ARMC2: variants seen among roughly 807,000 people sequenced by gnomAD.
ARMC2 encodes armadillo repeat-containing protein 2.
ARMC2 carries 67 observed loss-of-function variants against 90.3 expected under a neutral mutation model. The observed-to-expected ratio is 0.74, with a 90% CI of 0.61 to 0.91. The LOEUF is 0.91. Ranked by LOEUF, ARMC2 falls within the 40% of genes least tolerant of loss-of-function variation. ARMC2 has a pLI of 0.00. For missense variants in ARMC2, 920 were observed against 1,030.9 expected, an observed-to-expected ratio of 0.89 and a Z score of 1.47; for synonymous variants, 393 against 393.0, an observed-to-expected ratio of 1.00 and a Z score of 0.00.
chr6:108,997,349 C>T, the ARMC2 span, among the ~76,000 whole-genome samples: 2 of 152,176 alleles, frequency 1.3e-5, no homozygotes, highest in Non-Finnish European at 2.9e-5. Flanking sequence ...CAACTGAATA[C>T]TCTCTTGGAT....
At chr6:109,019,748 A>T in the ARMC2 span, among the ~76,000 whole-genome samples, 5 of 152,348 alleles carry the variant, frequency 3.3e-5, no homozygotes, top group South Asian at 8.3e-4. Context: ...ATTGATATCC[A>T]GATAATTTTT....
intron 17 of ARMC2, among the ~76,000 whole-genome samples, chr6:108,969,280 C>A (rs1420846188): frequency 1.3e-5 from 2 of 152,144 alleles, no homozygotes; most frequent in African/African-American, 4.8e-5. Flanking sequence ...ATGATAAATC[C>A]CTTAAACAGC....
At chr6:108,912,754 A>G (rs901463981) in intron 10 of ARMC2, among the ~76,000 whole-genome samples, 196 bp downstream of exon 10, 4 of 152,350 alleles carry the variant, frequency 2.6e-5, no homozygotes, top group East Asian at 1.9e-4. Context: ...TTCCATGGCT[A>G]TTACAAGAGC....
chr6:109,025,797 T>C, the ARMC2 span, among the ~76,000 whole-genome samples: 1 of 151,580 alleles, frequency 6.6e-6, no homozygotes, highest in Admixed American at 6.6e-5. Context: ...AGAAATGAAA[T>C]TTATGAGAGA....
At chr6:108,904,486 G>T in intron 8 of ARMC2, 81 bp downstream of exon 8, 2 of 1,273,110 alleles carry the variant, frequency 1.6e-6, no homozygotes, top group African/African-American at 1.5e-5. Context: ...ATATTACAAA[G>T]AATATTAGAA....
Position 108,854,242 on chromosome 6 carries a change from A to C in ARMC2, c.-26A>C. The C allele has an allele frequency of 6.5e-7, 1 of 1,544,720 alleles. No homozygotes were observed. Among genetic ancestry groups the C allele is most frequent in the East Asian group, 2.3e-5 (1 of 42,752 alleles). On this transcript the variant is annotated 5_prime_UTR_variant, in exon 2 of 18. Coordinates refer to ENST00000392644, the MANE Select transcript of ARMC2 (RefSeq NM_032131.6). ...ATTTGCAGGGTGTGGTGTCTATCTG[A>C]AGAATATTTTACTTTCAAAGGAAAG...
the ARMC2 span, among the ~76,000 whole-genome samples, chr6:109,024,862 A>G: frequency 5.0e-4 from 76 of 152,356 alleles, no homozygotes; most frequent in African/African-American, 1.7e-3. Context: ...CACCTTAGTA[A>G]AGTCAAACAA....
At chr6:108,988,248 G>A in the ARMC2 span, 30 of 231,326 alleles carry the variant, frequency 1.3e-4, no homozygotes, top group African/African-American at 5.6e-4. Context: ...ATGTTTCAAA[G>A]AGAACAGACA....
downstream of ARMC2, among the ~76,000 whole-genome samples, chr6:108,975,470 G>A (rs1778966028): frequency 6.6e-6 from 1 of 152,134 alleles, no homozygotes; most frequent in African/African-American, 2.4e-5. Context: ...AAACATACAT[G>A]TGCATGTGTC....
the ARMC2 span, among the ~76,000 whole-genome samples, chr6:109,022,807 G>A: frequency 6.6e-6 from 1 of 152,102 alleles, no homozygotes; most frequent in Non-Finnish European, 1.5e-5. Context: ...ACTCAGAGAG[G>A]TTAAGTATTT....
At chr6:108,953,494 C>A in intron 13 of ARMC2, 143 bp downstream of exon 13, 1 of 809,866 alleles carries the variant, frequency 1.2e-6, no homozygotes, top group Non-Finnish European at 1.9e-6. Context: ...GAAGGAAATT[C>A]CCTCTTCTGT....
the ARMC2 span, among the ~76,000 whole-genome samples, chr6:109,009,709 G>C: frequency 2.0e-5 from 3 of 152,036 alleles, no homozygotes; most frequent in Non-Finnish European, 2.9e-5. Flanking sequence ...GGTCTGACGC[G>C]GCGAGGTGAA....
the ARMC2 span, among the ~76,000 whole-genome samples, chr6:108,995,449 C>G: frequency 0.098 from 14,965 of 152,210 alleles, 899 homozygotes; most frequent in Middle Eastern, 0.19. Context: ...TGGCAGCTGT[C>G]ACTTGCTGGG....
In ARMC2 at chr6:108,911,993, G is replaced by A. The variant is rs111530237; in HGVS notation, c.1127-342G>A. On this transcript the variant is annotated intron_variant, in intron 9 of 17. Coordinates refer to ENST00000392644, the MANE Select transcript of ARMC2 (RefSeq NM_032131.6). ...AAGGCTTGTTGAAGTTTAACTCTTA[G>A]ATGTGTTAAATTATTAGTATTCTAT... 2.5e-3 allele frequency among the ~76,000 whole-genome samples: 381 copies of A among 152,130 alleles called. 3 individuals carry two copies. The highest frequency in any genetic ancestry group is 8.8e-3 in the African/African-American group (364 of 41,516).
At chr6:109,012,483 G>A in the ARMC2 span, among the ~76,000 whole-genome samples, 1 of 152,146 alleles carries the variant, frequency 6.6e-6, no homozygotes, top group Non-Finnish European at 1.5e-5. Flanking sequence ...TGAAGAGCAA[G>A]CTGATAATCT....
rs370979032 is a variant in ARMC2, at chr6:108,891,742, T to G, written c.672-2725T>G. ...GTTTCTTTTGCTGTGCAGAAGCTCT[T>G]TAGTTTAATTAGATCCCATTTGTCA... On this transcript the variant is annotated intron_variant, in intron 5 of 17. Transcript: ENST00000392644. Among the ~76,000 whole-genome samples, 9 of 152,350 alleles carry G rather than the reference T, an allele frequency of 5.9e-5. No homozygotes were observed. In the East Asian group the frequency reaches 7.7e-4, roughly 13 times the overall value.
At chr6:108,891,536 C>A (rs188117763) in intron 5 of ARMC2, among the ~76,000 whole-genome samples, 1 of 152,240 alleles carries the variant, frequency 6.6e-6, no homozygotes, top group Admixed American at 6.5e-5. Context: ...ATTTGTTGGC[C>A]GCATAAATGT....
chr6:108,910,942 TATTTAAA>T lies in ARMC2; in HGVS notation c.1071_1077del (p.Phe357LeufsTer10). On this transcript the variant is annotated frameshift_variant, in exon 9 of 18. Transcript: ENST00000392644. LOFTEE classifies it high-confidence loss of function. ...AATCTTCTTAATGTCTGCAAACTTA[TATTTAAA>T]ATTAGCAGGAATGAGAAGAATGATT... The T allele has an allele frequency of 6.3e-7, 1 of 1,583,610 alleles. No homozygotes were observed. Among genetic ancestry groups the T allele is most frequent in the South Asian group, 1.2e-5 (1 of 83,768 alleles).
At chr6:109,006,992 G>A in the ARMC2 span, among the ~76,000 whole-genome samples, 1 of 152,318 alleles carries the variant, frequency 6.6e-6, no homozygotes, top group East Asian at 1.9e-4. Context: ...TTGAAAAGCA[G>A]ATGTAGATAC....
Sources: allele counts gnomAD v4.1 joint callset (sites outside exome capture counted in the v4.1 genomes callset), GRCh38; gene constraint gnomAD v4.1.1; transcripts MANE v1.5; gene names NCBI Gene and HGNC (gene_info 2026-07-23, HGNC 2026-07-21).